GCLC: variants seen among roughly 807,000 people sequenced by gnomAD.
GCLC encodes glutamate--cysteine ligase catalytic subunit.
In GCLC, 30 loss-of-function variants were observed where a neutral mutation model predicts 81.5. The ratio of observed to expected loss-of-function variants is 0.37; its 90% confidence interval spans 0.28 to 0.50. The LOEUF is 0.50. Among genes scored for constraint, GCLC ranks in the 20% least tolerant of loss-of-function variants. GCLC has a pLI of 0.96. For synonymous variants in GCLC, 262 were observed against 273.3 expected, an observed-to-expected ratio of 0.96 and a Z score of 0.41; for missense variants, 556 against 777.4, an observed-to-expected ratio of 0.72 and a Z score of 3.39.
intron 3 of GCLC, 124 bp from the exon 4 acceptor site, chr6:53,516,346 G>T: frequency 1.4e-6 from 1 of 706,788 alleles, no homozygotes. Context: ...AGAGGGCTTT[G>T]TGTTTACAAA....
intron 3 of GCLC, among the ~76,000 whole-genome samples, chr6:53,519,385 A>T (rs1581738951): frequency 6.7e-6 from 1 of 149,282 alleles, no homozygotes; most frequent in Admixed American, 6.7e-5. Context: ...CCTCATTCCT[A>T]TTTCACTCCT....
At chr6:53,509,404 G>A in intron 6 of GCLC, 154 bp from the exon 7 acceptor site, 1 of 675,238 alleles carries the variant, frequency 1.5e-6, no homozygotes, top group Non-Finnish European at 2.7e-6. Context: ...TTTAAAAGTT[G>A]TCTTAGGTGA....
chr6:53,517,079 A>ATTTTTTTT (rs71546114), intron 3 of GCLC, among the ~76,000 whole-genome samples: 1 of 104,432 alleles, frequency 9.6e-6, no homozygotes, highest in Non-Finnish European at 1.8e-5. Context: ...TTAAAAAAAA[A>ATTTTTTTT]TTTTTTTTTT....
chr6:53,535,528 A>G (rs1763243687), intron 1 of GCLC, among the ~76,000 whole-genome samples: 1 of 152,190 alleles, frequency 6.6e-6, no homozygotes, highest in African/African-American at 2.4e-5. Flanking sequence ...AAAAAATAAA[A>G]AATAAAAAAA....
chr6:53,515,144 T>A (rs574728981), intron 4 of GCLC, among the ~76,000 whole-genome samples: 1 of 152,292 alleles, frequency 6.6e-6, no homozygotes, highest in Non-Finnish European at 1.5e-5. Context: ...TTTTTGGACG[T>A]TTTGGGTTAA....
rs1764547241 is a variant in GCLC, at chr6:53,503,260, G to C, written c.1395+2132C>G. The C allele has an allele frequency of 2.6e-5, 4 of 152,430 alleles. 1 individual carries two copies. In the South Asian group the frequency reaches 6.2e-4, roughly 24 times the overall value. 9.4% of individuals were successfully genotyped at this position (152,430 alleles called of 1,614,324 possible). On this transcript the variant is annotated intron_variant, in intron 12 of 15. Coordinates refer to ENST00000650454, the MANE Select transcript of GCLC (RefSeq NM_001498.4). ...AAGAAGGCACCATGTATGAACCAGAGAGCAAAAGCTCTCACCACACACCGA... is the reference window on the plus strand; with the variant it reads ...AAGAAGGCACCATGTATGAACCAGACAGCAAAAGCTCTCACCACACACCGA...
At chr6:53,523,439 G>C (rs1763032056) in intron 1 of GCLC, 3 of 152,206 alleles carry the variant, frequency 2.0e-5, no homozygotes, top group African/African-American at 4.8e-5. Context: ...AATTACTACA[G>C]AGGTAGGAAA....
rs1177463100 is a variant in GCLC, at chr6:53,516,230, A to C, written c.447-8T>G. Reference sequence around the variant, plus strand: ...AACCCAGGACAGCCTAATCTACAACAAATTGAAGAACTAAATAGATGGGAT... The same window carrying C: ...AACCCAGGACAGCCTAATCTACAACCAATTGAAGAACTAAATAGATGGGAT... On this transcript the variant is annotated splice_polypyrimidine_tract_variant and splice_region_variant and intron_variant, in intron 3 of 15. Coordinates refer to ENST00000650454, the MANE Select transcript of GCLC (RefSeq NM_001498.4). 1.3e-6 allele frequency: 2 copies of C among 1,529,014 alleles called. No individual in the cohort carries two copies. Among genetic ancestry groups the C allele is most frequent in the Non-Finnish European group, 1.8e-6 (2 of 1,102,536 alleles). 94.7% of individuals were successfully genotyped at this position (1,529,014 alleles called of 1,614,324 possible).
intron 8 of GCLC, 89 bp downstream of exon 8, chr6:53,508,506 A>T: frequency 1.2e-6 from 1 of 828,288 alleles, no homozygotes; most frequent in Non-Finnish European, 2.1e-6. Flanking sequence ...TAAAAATTGC[A>T]GGGAGACATC....
chr6:53,509,506 G>A, intron 6 of GCLC: 2 of 563,070 alleles, frequency 3.6e-6, no homozygotes, highest in African/African-American at 1.9e-5. Context: ...AGATTAAATA[G>A]TCAAAAAAGA....
At chr6:53,525,910 T>A (rs1335575357) in intron 1 of GCLC, among the ~76,000 whole-genome samples, 1 of 152,196 alleles carries the variant, frequency 6.6e-6, no homozygotes, top group East Asian at 1.9e-4. Flanking sequence ...AATAAAAAAA[T>A]GCCTGACCAC....
chr6:53,518,070 C>T (rs951995841), intron 3 of GCLC, among the ~76,000 whole-genome samples: 2 of 152,000 alleles, frequency 1.3e-5, no homozygotes, highest in Non-Finnish European at 2.9e-5. Context: ...TATAGGGAGG[C>T]TTCTAACCAC....
intron 12 of GCLC, among the ~76,000 whole-genome samples, chr6:53,504,985 T>C (rs1714004521): frequency 6.6e-6 from 1 of 152,148 alleles, no homozygotes; most frequent in Middle Eastern, 3.2e-3. Flanking sequence ...TGTTTTTTGG[T>C]CTTTTGGGGG....
rs1764482145 is a variant in GCLC at position 53,500,259 on chromosome 6, G to A, written c.1569C>T (p.Ile523=). Residue 523 remains isoleucine, a synonymous_variant, in exon 14 of 16, where the codon ATC becomes ATT. Coordinates refer to ENST00000650454, the MANE Select transcript of GCLC (RefSeq NM_001498.4). ...GCCACCCTCCTACCTTCCCATTGAT[G>A]ATGGTGTCTATGCTCATGAGGGTGT... ...EEYTLMSIDT[I]INGKEGVFPG... The A allele has an allele frequency of 6.2e-7, 1 of 1,613,876 alleles. No individual in the cohort carries two copies. The highest frequency in any genetic ancestry group is 1.7e-5 in the Admixed American group (1 of 60,018).
At chr6:53,544,129 G>A (rs1037145375) in intron 1 of GCLC, among the ~76,000 whole-genome samples, 2 of 152,220 alleles carry the variant, frequency 1.3e-5, no homozygotes, top group Non-Finnish European at 2.9e-5. Flanking sequence ...CCGCAAAAGC[G>A]AATTTTGAGC....
chr6:53,508,671 A>C lies in GCLC; in HGVS notation c.869T>G (p.Val290Gly). 1 of 1,613,920 alleles carries C rather than the reference A, an allele frequency of 6.2e-7. No homozygotes were observed. The highest frequency in any genetic ancestry group is 1.1e-5 in the South Asian group (1 of 91,082). Residue 290 changes from valine (V) to glycine (G), a missense_variant, in exon 8 of 16, where the codon GTG becomes GGG. Coordinates refer to ENST00000650454, the MANE Select transcript of GCLC (RefSeq NM_001498.4). ...TCCCCAGCGACAATCAATGTCTGAC[A>C]CATAGCCTCGGTAAAAGGGAGATGC... ...SAASPFYRGY[V>G]SDIDCRWGVI...
chr6:53,527,464 ACT>A (rs1326175044), intron 1 of GCLC, among the ~76,000 whole-genome samples: 2 of 152,178 alleles, frequency 1.3e-5, no homozygotes, highest in Non-Finnish European at 2.9e-5. Context: ...GCCAAAAAAC[ACT>A]GTCTTGCTGG....
intron 12 of GCLC, 91 bp downstream of exon 12, chr6:53,505,301 A>G: frequency 1.4e-6 from 1 of 723,918 alleles, no homozygotes; most frequent in African/African-American, 1.8e-5. Flanking sequence ...AACAATTTCA[A>G]ATGAAATTAG....
In GCLC at chr6:53,544,779, G is replaced by C. The variant is rs550230716; in HGVS notation, c.-134C>G. On this transcript the variant is annotated 5_prime_UTR_variant, in exon 1 of 16. Coordinates refer to ENST00000650454, the MANE Select transcript of GCLC (RefSeq NM_001498.4). ...GCGGGGGCGCTCTCGGGCCGCAGTC[G>C]GCGGAGGGAGGGTCCTGCCCGCTCC... 3.2e-5 allele frequency: 27 copies of C among 841,936 alleles called. No individual in the cohort carries two copies. In the East Asian group the frequency reaches 6.1e-4, roughly 19 times the overall value. The allele number at this position is 841,936 out of a possible 1,614,324, so 52.2% of individuals were successfully genotyped here.
Sources: gnomAD v4.1 joint callset for allele counts (sites outside exome capture counted in the v4.1 genomes callset) on GRCh38, gnomAD v4.1.1 for gene constraint, MANE v1.5 for transcripts, NCBI Gene and HGNC (gene_info 2026-07-23, HGNC 2026-07-21) for gene names.